Variants in SEMA6C observed in about 807,000 individuals in gnomAD.
SEMA6C encodes semaphorin-6C.
In SEMA6C, 37 loss-of-function variants were observed where a neutral mutation model predicts 72.9. That is an observed-to-expected ratio of 0.51 (90% CI 0.39 to 0.67). The LOEUF is 0.67. Among genes scored for constraint, SEMA6C ranks in the 30% least tolerant of loss-of-function variants. The pLI is 0.00. For synonymous variants in SEMA6C, 578 were observed against 554.1 expected, an observed-to-expected ratio of 1.04 and a Z score of -0.61; for missense variants, 1,189 against 1,263.6, an observed-to-expected ratio of 0.94 and a Z score of 0.89.
At position 151,132,075 on chromosome 1, in the gene SEMA6C, G is replaced by A; in HGVS notation, c.*409C>T. 1 of 592,426 alleles carries A rather than the reference G, an allele frequency of 1.7e-6. No homozygotes were observed. Among genetic ancestry groups the A allele is most frequent in the Non-Finnish European group, 2.5e-6 (1 of 401,860 alleles). 36.7% of individuals were successfully genotyped at this position (592,426 alleles called of 1,614,324 possible). On this transcript the variant is annotated 3_prime_UTR_variant, in exon 19 of 19. Coordinates refer to ENST00000368914, the MANE Select transcript of SEMA6C (RefSeq NM_030913.6). Reference sequence around the variant, plus strand: ...AGTGGCTGCAGACACGGCTGTATTGGGAAGCGGAGGCTCCTACACAGTAGG... The same window carrying A: ...AGTGGCTGCAGACACGGCTGTATTGAGAAGCGGAGGCTCCTACACAGTAGG...
At position 151,132,371 on chromosome 1, in the gene SEMA6C, CG is replaced by C. The variant is rs1333791812; in HGVS notation, c.*112del. The C allele has an allele frequency of 6.5e-7, 1 of 1,531,604 alleles. No individual in the cohort carries two copies. 94.9% of individuals were successfully genotyped at this position (1,531,604 alleles called of 1,614,324 possible). ...AGGGGCCTCGGGAGACTCTGCGAGT[CG>C]GGAAGGCTGGAGGTGCGGGGCGAGG... On this transcript the variant is annotated 3_prime_UTR_variant, in exon 19 of 19. Coordinates refer to ENST00000368914, the MANE Select transcript of SEMA6C (RefSeq NM_030913.6).
rs1308547927 is a variant in SEMA6C at position 151,135,591 on chromosome 1, C to T, written c.1433G>A (p.Arg478Gln). 7 of 1,609,612 alleles carry T rather than the reference C, an allele frequency of 4.3e-6. No homozygotes were observed. Among genetic ancestry groups the T allele is most frequent in the Admixed American group, 1.7e-5 (1 of 59,050 alleles). Residue 478 changes from arginine to glutamine, a missense_variant and splice_region_variant, in exon 14 of 19, where the codon CGG (arginine) becomes CAG (glutamine). Coordinates refer to ENST00000368914, the MANE Select transcript of SEMA6C (RefSeq NM_030913.6). ...LEEIDAYSPA[R>Q]CSGKRTAQTA... ...GGGGCCTGCCCTCCAAAGGCCTCAC[C>T]GGGCAGGGCTGTAGGCATCAATCTC... is the stretch of plus-strand genomic sequence containing the variant.
rs72994017 is a variant in SEMA6C at position 151,136,772 on chromosome 1, C to A, written c.974+85G>T. On this transcript the variant is annotated intron_variant, in intron 11 of 18. Coordinates refer to ENST00000368914, the MANE Select transcript of SEMA6C (RefSeq NM_030913.6). ...CTTTGTTCGGAGGTTCCCTTAACTGCCCCATCAGTAGGCTGTGAAAGGGGA... is the reference window on the plus strand; with the variant it reads ...CTTTGTTCGGAGGTTCCCTTAACTGACCCATCAGTAGGCTGTGAAAGGGGA... 1,073 of 1,412,494 alleles carry A rather than the reference C, an allele frequency of 7.6e-4. 9 individuals are homozygous for A. In the African/African-American group the frequency reaches 0.014, roughly 18 times the overall value. The allele number at this position is 1,412,494 out of a possible 1,614,324, so 87.5% of individuals were successfully genotyped here. A position where few individuals can be genotyped will look rare whatever the true frequency, so the allele number is the denominator to read the frequency against.
In SEMA6C at chr1:151,138,404, T is replaced by C; in HGVS notation, c.459A>G (p.Ile153Met). Residue 153 changes from isoleucine (I) to methionine (M), a missense_variant and splice_region_variant, in exon 8 of 19, where the codon ATA becomes ATG. Physicochemically the swap from Ile to Met is conservative, Grantham distance 10. Coordinates refer to ENST00000368914, the MANE Select transcript of SEMA6C (RefSeq NM_030913.6). Reference sequence around the variant, plus strand: ...CCTCACCCTCCTGCTGCAGCGAAGTTATCTGAGGGCAGAGGGAGCAGATGC... The same window carrying C: ...CCTCACCCTCCTGCTGCAGCGAAGTCATCTGAGGGCAGAGGGAGCAGATGC... ...SFSPVCRSYG[I>M]TSLQQEGEEL... 1 of 1,613,356 alleles carries C rather than the reference T, an allele frequency of 6.2e-7. No homozygotes were observed. The highest frequency in any genetic ancestry group is 2.2e-5 in the East Asian group (1 of 44,868).
At chr1:151,137,624 TG>T in intron 10 of SEMA6C, 86 bp downstream of exon 10, 1 of 1,076,942 alleles carries the variant, frequency 9.3e-7, no homozygotes, top group Non-Finnish European at 1.4e-6. Flanking sequence ...GTGGAGATTA[TG>T]GTCAGGAGAT....
At chr1:151,140,293 A>G (rs1038538010) in intron 3 of SEMA6C, among the ~76,000 whole-genome samples, 4 of 152,196 alleles carry the variant, frequency 2.6e-5, no homozygotes, top group South Asian at 2.1e-4. Flanking sequence ...CATTTAATAC[A>G]TGGTCCTATG....
chr1:151,140,521 G>A (rs141950865), intron 3 of SEMA6C, among the ~76,000 whole-genome samples: 32 of 152,146 alleles, frequency 2.1e-4, no homozygotes, highest in South Asian at 8.3e-4. Context: ...TATTCACTCC[G>A]TTTCTCCCAG....
Position 151,132,208 on chromosome 1 carries a change from T to C in SEMA6C, c.*276A>G. ...CCCCGAGGGGCGAGTTAAGGCAGCTTGGCTGGAAGGGAGCGGGGAGTGGGA... is the reference window on the plus strand; with the variant it reads ...CCCCGAGGGGCGAGTTAAGGCAGCTCGGCTGGAAGGGAGCGGGGAGTGGGA... On this transcript the variant is annotated 3_prime_UTR_variant, in exon 19 of 19. Coordinates refer to ENST00000368914, the MANE Select transcript of SEMA6C (RefSeq NM_030913.6). 2 of 1,479,736 alleles carry C rather than the reference T, an allele frequency of 1.4e-6. No individual in the cohort carries two copies. Among genetic ancestry groups the C allele is most frequent in the East Asian group, 5.5e-5 (2 of 36,284 alleles). 91.7% of individuals were successfully genotyped at this position (1,479,736 alleles called of 1,614,324 possible).
Position 151,137,067 on chromosome 1 carries a change from A to G in SEMA6C, c.764T>C (p.Phe255Ser). 1 of 1,613,154 alleles carries G rather than the reference A, an allele frequency of 6.2e-7. No individual in the cohort carries two copies. Among genetic ancestry groups the G allele is most frequent in the Non-Finnish European group, 8.5e-7 (1 of 1,179,986 alleles). Residue 255 changes from phenylalanine (F) to serine (S), a missense_variant, in exon 11 of 19, where the codon TTC becomes TCC. Coordinates refer to ENST00000368914, the MANE Select transcript of SEMA6C (RefSeq NM_030913.6). ...TTTACATACTCGGGCTACGCGGGAG[A>G]ACTGCACCTAGGGGAGGAGAGTGGA... ...VEDARLGRVQ[F>S]SRVARVCKRD... is the part of the protein sequence containing the mutation.
Position 151,136,969 on chromosome 1 carries a change from A to G in SEMA6C, c.862T>C (p.Ser288Pro). The G allele has an allele frequency of 1.2e-6, 2 of 1,614,208 alleles. No individual in the cohort carries two copies. Among genetic ancestry groups the G allele is most frequent in the Non-Finnish European group, 1.7e-6 (2 of 1,180,026 alleles). ...TAGAAAGTAGAGTCCCCAGGGACAG[A>G]GCAGTTGAGCCGAAGCTTCAGGAAG... is the stretch of plus-strand genomic sequence containing the variant. ...TSFLKLRLNC[S>P]VPGDSTFYFD... Residue 288 changes from serine (S) to proline (P), a missense_variant, in exon 11 of 19, where the codon TCT becomes CCT. Ser to Pro is a moderately conservative substitution (Grantham distance 74). This residue lies in a region of SEMA6C where 468 missense variants were observed against 577.4 expected (regional missense o/e 0.81). Coordinates refer to ENST00000368914, the MANE Select transcript of SEMA6C (RefSeq NM_030913.6).
In SEMA6C at chr1:151,133,282, CG is replaced by C; in HGVS notation, c.1994del (p.Pro665ArgfsTer86). On this transcript the variant is annotated frameshift_variant, in exon 19 of 19. Transcript: ENST00000368914. LOFTEE classifies it low-confidence loss of function (END_TRUNC). This position sits in a 1 kb window ranked among gnomAD's most constrained non-coding sequence, Gnocchi z 5.9. The stretch of plus-strand genomic sequence containing the variant: ...CCGCGTCCCCGTCCTTGGAGGGCGG[CG>C]GGGGCTCTGGGCCCCCACCGTGGAG... Reference protein sequence around the residue: ...ARLHGGGPEPPPPSKDGDAVQ... With the variant: ...ARLHGGGPEPXPPSKDGDAVQ... The C allele has an allele frequency of 6.3e-7, 1 of 1,576,764 alleles. No homozygotes were observed.
chr1:151,136,713 C>T, intron 11 of SEMA6C, 134 bp from the exon 12 acceptor site: 1 of 1,365,998 alleles, frequency 7.3e-7, no homozygotes, highest in Non-Finnish European at 1.0e-6. Context: ...CTGGGTGCCA[C>T]ACTAGGAGAA....
At chr1:151,139,268 A>G (rs1243877343) in intron 6 of SEMA6C, among the ~76,000 whole-genome samples, 157 bp downstream of exon 6, 1 of 152,210 alleles carries the variant, frequency 6.6e-6, no homozygotes, top group African/African-American at 2.4e-5. Flanking sequence ...ATGTAAGAGA[A>G]ACTGAAAATC....
rs778235590 is a variant in SEMA6C at position 151,138,124 on chromosome 1, T to C, written c.548-19A>G. 1 of 1,612,692 alleles carries C rather than the reference T, an allele frequency of 6.2e-7. No individual in the cohort carries two copies. The highest frequency in any genetic ancestry group is 1.7e-5 in the Admixed American group (1 of 59,946). ...CTGCCCTCTGGAGGGATGGGTGGAG[T>C]GGGGTCAGGGGAGGGCTCAGGGATC... On this transcript the variant is annotated intron_variant, in intron 8 of 18. Coordinates refer to ENST00000368914, the MANE Select transcript of SEMA6C (RefSeq NM_030913.6).
intron 2 of SEMA6C, among the ~76,000 whole-genome samples, chr1:151,143,812 G>A: frequency 6.6e-6 from 1 of 152,100 alleles, no homozygotes; most frequent in African/African-American, 2.4e-5. Context: ...GGTCAAGAAG[G>A]GTGAGACTCC....
At position 151,134,658 on chromosome 1, in the gene SEMA6C, G is replaced by T. The variant is rs1234136684; in HGVS notation, c.1676C>A (p.Ala559Asp). The change falls in exon 17 of 19, where the codon GCT (alanine) becomes GAT (aspartate). Residue 559 changes from alanine (A) to aspartate (D), a missense_variant. This residue lies in a region of SEMA6C where 721 missense variants were observed against 686.2 expected (regional missense o/e 1.05). Transcript: ENST00000368914. ...RGSGGTDVDQ[A>D]GNQESMEHGD... ...ATGCTCCATGGATTCCTGGTTCCCA[G>T]CCTGATCCACATCAGTCCTAGGAGG... The T allele has an allele frequency of 5.6e-6, 9 of 1,614,034 alleles. No individual in the cohort carries two copies. The highest frequency in any genetic ancestry group is 3.3e-4 in the Middle Eastern group (2 of 6,084).
Position 151,132,926 on chromosome 1 carries a change from G to A in SEMA6C, c.2351C>T (p.Ala784Val), listed in dbSNP as rs1249241031. Residue 784 changes from alanine to valine, a missense_variant, in exon 19 of 19, where the codon GCC becomes GTC. Physicochemically the swap from Ala to Val is moderately conservative, Grantham distance 64. Transcript: ENST00000368914. ...LHGPQPPRKG[A>V]EPPAPLTSRA... ...CGAGGTTAAAGGGGCGGGGGGCTCG[G>A]CCCCCTTTCTGGGCGGCTGCGGGCC... The A allele has an allele frequency of 1.4e-6, 2 of 1,391,964 alleles. No individual in the cohort carries two copies. Among genetic ancestry groups the A allele is most frequent in the South Asian group, 1.3e-5 (1 of 74,930 alleles). The allele number at this position is 1,391,964 out of a possible 1,614,324, so 86.2% of individuals were successfully genotyped here.
rs1033746577 is a variant in SEMA6C, at chr1:151,132,467, G to A, written c.*17C>T. ...GACTCGGGCGCTCCCCACGCTGGAG[G>A]CCGTGGGCCGCTCCCTTTAAAAGTT... On this transcript the variant is annotated 3_prime_UTR_variant, in exon 19 of 19. Coordinates refer to ENST00000368914, the MANE Select transcript of SEMA6C (RefSeq NM_030913.6). The A allele has an allele frequency of 9.7e-6, 15 of 1,545,368 alleles. No individual in the cohort carries two copies. In the African/African-American group the frequency reaches 2.1e-4, roughly 21 times the overall value.
At position 151,145,087 on chromosome 1, in the gene SEMA6C, G is replaced by A. The variant is rs949995715; in HGVS notation, c.-104-653C>T. The A allele has an allele frequency of 2.6e-5, 4 of 152,318 alleles. No homozygotes were observed. Among genetic ancestry groups the A allele is most frequent in the African/African-American group, 4.8e-5 (2 of 41,434 alleles). The allele number at this position is 152,318 out of a possible 1,614,324, so 9.4% of individuals were successfully genotyped here. A position where few individuals can be genotyped will look rare whatever the true frequency, so the allele number is the denominator to read the frequency against. The stretch of plus-strand genomic sequence containing the variant: ...CATCTGGTCAGCTCCTCAACTCCTG[G>A]CCTGGAGAAAAGATCACTCTGCCCT... On this transcript the variant is annotated intron_variant, in intron 1 of 18. Coordinates refer to ENST00000368914, the MANE Select transcript of SEMA6C (RefSeq NM_030913.6). This position sits in a 1 kb window ranked among gnomAD's most constrained non-coding sequence, Gnocchi z 4.4.
Sources: allele counts gnomAD v4.1 joint callset (sites outside exome capture counted in the v4.1 genomes callset), GRCh38; gene constraint gnomAD v4.1.1; regional missense constraint gnomAD v4.1.1; non-coding constraint Gnocchi (gnomAD v3.1); transcripts MANE v1.5; gene names NCBI Gene and HGNC (gene_info 2026-07-23, HGNC 2026-07-21).